Variants in GLRA2 observed in about 807,000 individuals in gnomAD.
GLRA2 encodes glycine receptor subunit alpha-2.
Under a neutral mutation model 31.6 loss-of-function variants are expected in GLRA2, and 11 were observed. The ratio of observed to expected loss-of-function variants is 0.35; its 90% CI spans 0.22 to 0.58. GLRA2 has a LOEUF of 0.58. GLRA2 is among the 20% of genes least tolerant of loss of function. The probability of loss-of-function intolerance (pLI) is 0.84; values close to 1 mark genes in which losing one functional copy is unlikely to be tolerated. For missense variants in GLRA2, 212 were observed against 351.8 expected (o/e 0.60, Z 3.18); for synonymous variants, 132 against 134.0 (o/e 0.99, Z 0.10).
intron 7 of GLRA2, among the ~76,000 whole-genome samples, chrX:14,678,065 C>T (rs969119544): frequency 8.0e-5 from 9 of 111,933 alleles, no homozygotes; most frequent in Middle Eastern, 4.6e-3. Context: ...TATCTCCAGA[C>T]GTTGCCAAAT....
chrX:14,696,457 T>C (rs1402468241), intron 8 of GLRA2, among the ~76,000 whole-genome samples: 1 of 111,893 alleles, frequency 8.9e-6, no homozygotes, highest in Non-Finnish European at 1.9e-5. Context: ...GAAAAAATTA[T>C]TGACAGCAAG....
At chrX:14,544,433 C>T (rs757953075) in intron 2 of GLRA2, among the ~76,000 whole-genome samples, 1 of 100,144 alleles carries the variant, frequency 1.0e-5, no homozygotes, top group South Asian at 4.2e-4. Context: ...TCTCAGGCAG[C>T]TTTCAAAAAA....
At chrX:14,525,268 C>T (rs775087524), upstream of GLRA2, among the ~76,000 whole-genome samples, 73 of 111,447 alleles carry the variant, frequency 6.6e-4, no homozygotes, top group Non-Finnish European at 1.3e-3. Context: ...AAGGTTTCCA[C>T]ATACCTCAAC....
At chrX:14,689,763 A>G (rs907253210) in intron 7 of GLRA2, among the ~76,000 whole-genome samples, 7 of 112,347 alleles carry the variant, frequency 6.2e-5, no homozygotes, top group Non-Finnish European at 1.1e-4. Flanking sequence ...GTAGTTTAAT[A>G]AGTATTCTTT....
At chrX:14,453,629 C>G in the GLRA2 span, among the ~76,000 whole-genome samples, 83 of 111,892 alleles carry the variant, frequency 7.4e-4, no homozygotes, top group Non-Finnish European at 4.9e-4. Flanking sequence ...AGTTTGGCAG[C>G]TTTTTATAAA....
intron 5 of GLRA2, among the ~76,000 whole-genome samples, chrX:14,605,294 G>A (rs946159079): frequency 3.6e-5 from 4 of 111,619 alleles, no homozygotes; most frequent in Non-Finnish European, 5.7e-5. Context: ...TTTAAAAAGA[G>A]GTAGTGACAG....
chrX:14,457,094 G>A, the GLRA2 span, among the ~76,000 whole-genome samples: 4 of 110,978 alleles, frequency 3.6e-5, no homozygotes, highest in African/African-American at 9.8e-5. Context: ...TTTGTTTTGC[G>A]TTTTTCTGAT....
intron 7 of GLRA2, among the ~76,000 whole-genome samples, chrX:14,626,381 A>G (rs903323371): frequency 1.8e-5 from 2 of 112,345 alleles, no homozygotes; most frequent in Admixed American, 9.4e-5. Context: ...TTGGCTATGC[A>G]TACTGAATTC....
At chrX:14,682,640 T>C (rs2091226480) in intron 7 of GLRA2, among the ~76,000 whole-genome samples, 1 of 110,557 alleles carries the variant, frequency 9.0e-6, no homozygotes, top group African/African-American at 3.3e-5. Flanking sequence ...CATGTTGGTG[T>C]GCTGCACCCG....
chrX:14,675,499 A>G, intron 7 of GLRA2, among the ~76,000 whole-genome samples: 1 of 112,081 alleles, frequency 8.9e-6, no homozygotes, highest in East Asian at 2.8e-4. Flanking sequence ...TGCAGATACC[A>G]GGCTTGGAGG....
intron 2 of GLRA2, among the ~76,000 whole-genome samples, chrX:14,568,683 ACT>A (rs1424131224): frequency 1.1e-5 from 1 of 90,110 alleles, no homozygotes; most frequent in African/African-American, 4.3e-5. Flanking sequence ...ACAGAGCAAG[ACT>A]CTGTCTCAAA....
chrX:14,564,727 G>A (rs751263159), intron 2 of GLRA2, among the ~76,000 whole-genome samples: 1 of 111,753 alleles, frequency 8.9e-6, no homozygotes, highest in African/African-American at 3.2e-5. Context: ...GTATAAGAGT[G>A]GAGCTATCGT....
chrX:14,562,043 CAA>C (rs770326346), intron 2 of GLRA2, among the ~76,000 whole-genome samples: 1 of 111,934 alleles, frequency 8.9e-6, no homozygotes, highest in African/African-American at 3.2e-5. Flanking sequence ...ATCTAAAAAA[CAA>C]AAAAATCTAT....
intron 8 of GLRA2, among the ~76,000 whole-genome samples, chrX:14,729,257 T>C (rs2147272828): frequency 8.9e-6 from 1 of 111,796 alleles, no homozygotes; most frequent in South Asian, 3.8e-4. Context: ...AGGAGTTGCA[T>C]GTTATTGTGG....
intron 2 of GLRA2, among the ~76,000 whole-genome samples, chrX:14,546,955 C>T (rs1251295253): frequency 8.9e-6 from 1 of 111,754 alleles, no homozygotes; most frequent in Non-Finnish European, 1.9e-5. Flanking sequence ...CAGTGTCTAA[C>T]TTTTCATATA....
chrX:14,511,558 C>T, the GLRA2 span, among the ~76,000 whole-genome samples: 1 of 111,716 alleles, frequency 9.0e-6, no homozygotes, highest in Non-Finnish European at 1.9e-5. Flanking sequence ...GATAATTGCT[C>T]AGCTGAAAAA....
At chrX:14,456,031 G>T in the GLRA2 span, among the ~76,000 whole-genome samples, 1 of 111,140 alleles carries the variant, frequency 9.0e-6, no homozygotes, top group Non-Finnish European at 1.9e-5. Flanking sequence ...CCTTTGGAAT[G>T]ATTTAAATAG....
At chrX:14,474,455 T>C in the GLRA2 span, among the ~76,000 whole-genome samples, 6 of 111,734 alleles carry the variant, frequency 5.4e-5, no homozygotes, top group Non-Finnish European at 1.1e-4. Context: ...CACTAGCTAC[T>C]CAAACACCTC....
intron 7 of GLRA2, among the ~76,000 whole-genome samples, chrX:14,661,500 A>G (rs922187868): frequency 8.9e-6 from 1 of 112,091 alleles, no homozygotes; most frequent in African/African-American, 3.2e-5. Context: ...GAGAAAAAAA[A>G]ATGTATAGCT....
Sources: gnomAD v4.1 joint callset for allele counts (sites outside exome capture counted in the v4.1 genomes callset) on GRCh38, gnomAD v4.1.1 for gene constraint, MANE v1.5 for transcripts, NCBI Gene and HGNC (gene_info 2026-07-23, HGNC 2026-07-21) for gene names.